TIMP2: variants seen among roughly 807,000 people sequenced by gnomAD.
TIMP2 encodes the protein metalloproteinase inhibitor 2.
In TIMP2, 5 loss-of-function variants were observed where a neutral mutation model predicts 24.3. The observed-to-expected ratio is 0.21, with a 90% confidence interval of 0.11 to 0.43. The LOEUF (loss-of-function observed/expected upper bound fraction) is 0.43, where lower values mean the gene tolerates loss of function less well. TIMP2 is among the 20% of genes least tolerant of loss of function. The pLI, the probability that TIMP2 is intolerant of heterozygous loss-of-function variation, is 1.00. For synonymous variants in TIMP2, 130 were observed against 123.2 expected, an observed-to-expected ratio of 1.06 and a Z score of -0.37; for missense variants, 221 against 297.5, an observed-to-expected ratio of 0.74 and a Z score of 1.89.
At chr17:78,918,051 C>A (rs1310935862) in intron 1 of TIMP2, among the ~76,000 whole-genome samples, 1 of 149,402 alleles carries the variant, frequency 6.7e-6, no homozygotes, top group Non-Finnish European at 1.5e-5. Context: ...AAAACACGTA[C>A]GCGTGCACAC....
chr17:78,891,908 G>C lies in TIMP2; in HGVS notation c.131-17989C>G. The C allele has an allele frequency of 6.4e-7, 1 of 1,550,568 alleles. No homozygotes were observed. Among genetic ancestry groups the C allele is most frequent in the Non-Finnish European group, 8.7e-7 (1 of 1,146,988 alleles). On this transcript the variant is annotated intron_variant, in intron 1 of 4. Transcript: ENST00000262768. The surrounding 1 kb of genome is among the most constrained non-coding windows in gnomAD (Gnocchi z 4.5). ...TGTAGTCTGTGGTTTCTCTGGACTC[G>C]CTGCTGTCTTCCGGGGCCTGGAGTG...
In TIMP2 at chr17:78,854,338, C is replaced by T. The variant is rs1388022887; in HGVS notation, c.*1329G>A. The T allele has an allele frequency of 6.6e-6, 1 of 151,848 alleles. No individual in the cohort carries two copies. Among genetic ancestry groups the T allele is most frequent in the Non-Finnish European group, 1.5e-5 (1 of 67,996 alleles). 9.4% of individuals were successfully genotyped at this position (151,848 alleles called of 1,614,324 possible). A position where few individuals can be genotyped will look rare whatever the true frequency, so the allele number is the denominator to read the frequency against. ...ATATCACTGGCTTCAGGAAACCACACTGAGGGAACACATAGGTTCCCTAGT... is the reference window on the plus strand; with the variant it reads ...ATATCACTGGCTTCAGGAAACCACATTGAGGGAACACATAGGTTCCCTAGT... On this transcript the variant is annotated 3_prime_UTR_variant, in exon 5 of 5. Transcript: ENST00000262768.
Position 78,901,434 on chromosome 17 carries a change from C to T in TIMP2, c.130+23525G>A, listed in dbSNP as rs143216542. ...GAGGTGTGTCTTCCTGGACAGTTCT[C>T]GGGAGAGGAGGAGGGCGGTAAGGAC... On this transcript the variant is annotated intron_variant, in intron 1 of 4. Transcript: ENST00000262768. Among the ~76,000 whole-genome samples the T allele has an allele frequency of 1.7e-3, 264 of 151,998 alleles. 1 individual carries two copies. The highest frequency in any genetic ancestry group is 5.5e-3 in the African/African-American group (226 of 41,448).
At chr17:78,875,636 GGTAA>G (rs1041034319) in intron 1 of TIMP2, among the ~76,000 whole-genome samples, 2 of 152,076 alleles carry the variant, frequency 1.3e-5, no homozygotes, top group African/African-American at 2.4e-5. Context: ...GGTCACTCTG[GGTAA>G]GTGTTATGTT....
At chr17:78,900,587 C>A (rs190544714) in intron 1 of TIMP2, among the ~76,000 whole-genome samples, 1 of 152,026 alleles carries the variant, frequency 6.6e-6, no homozygotes, top group Admixed American at 6.5e-5. Flanking sequence ...TAAGTAGAGT[C>A]CGAGGTGGTG....
Position 78,855,841 on chromosome 17 carries a change from C to A in TIMP2, c.489G>T (p.Pro163=). 6.2e-7 allele frequency: 1 copy of A among 1,614,004 alleles called. No homozygotes were observed. Among genetic ancestry groups the A allele is most frequent in the Non-Finnish European group, 8.5e-7 (1 of 1,179,982 alleles). The change falls in exon 5 of 5, where the codon CCG becomes CCT. Residue 163 remains proline, a synonymous_variant. Coordinates refer to ENST00000262768, the MANE Select transcript of TIMP2 (RefSeq NM_003255.5). The surrounding 1 kb of genome is among the most constrained non-coding windows in gnomAD (Gnocchi z 6.0). The part of the protein sequence containing the change: ...ECKITRCPMI[P]CYISSPDECL... ...ACTCGTCCGGGGAGGAGATGTAGCA[C>A]GGGATCATGGGGCAGCGCGTGATCT...
chr17:78,889,530 T>C (rs2069859840), intron 1 of TIMP2, among the ~76,000 whole-genome samples: 1 of 152,260 alleles, frequency 6.6e-6, no homozygotes, highest in Non-Finnish European at 1.5e-5. Flanking sequence ...TCCGTTAATG[T>C]CTCAGCCTTG....
intron 1 of TIMP2, among the ~76,000 whole-genome samples, chr17:78,901,552 CCAAAGGAGGTGAGG>C (rs1162416922): frequency 6.6e-6 from 1 of 151,786 alleles, no homozygotes; most frequent in African/African-American, 2.4e-5. Context: ...GGAAGAAAAG[CCAAAGGAGGTGAGG>C]TGGGGCAAGG....
At chr17:78,915,523 CTTCT>C (rs1252339596) in intron 1 of TIMP2, among the ~76,000 whole-genome samples, 1 of 104,126 alleles carries the variant, frequency 9.6e-6, no homozygotes, top group Non-Finnish European at 2.1e-5. Context: ...CTCTTTTTTT[CTTCT>C]TTTTTTTTTT....
chr17:78,892,419 G>A (rs2069915949), intron 1 of TIMP2: 3 of 1,550,300 alleles, frequency 1.9e-6, no homozygotes, highest in East Asian at 4.9e-5. Context: ...GGCGCCCCCG[G>A]GCCTGAGGAG....
At chr17:78,900,785 C>A (rs1219689187) in intron 1 of TIMP2, among the ~76,000 whole-genome samples, 1 of 152,200 alleles carries the variant, frequency 6.6e-6, no homozygotes, top group Non-Finnish European at 1.5e-5. Flanking sequence ...GTAATGGGAA[C>A]ACATCTAAAA....
At chr17:78,863,209 T>C (rs957107479) in intron 3 of TIMP2, among the ~76,000 whole-genome samples, 20 of 152,180 alleles carry the variant, frequency 1.3e-4, no homozygotes, top group African/African-American at 3.9e-4. Context: ...CTTTACTCCA[T>C]AGCCTTGCCA....
intron 1 of TIMP2, among the ~76,000 whole-genome samples, chr17:78,883,656 C>T (rs945973147): frequency 2.0e-5 from 3 of 152,162 alleles, no homozygotes; most frequent in Non-Finnish European, 2.9e-5. Flanking sequence ...TTCTAGTGCA[C>T]GTGAGCTGCT....
At chr17:78,892,249 G>C in intron 1 of TIMP2, 2 of 1,550,868 alleles carry the variant, frequency 1.3e-6, no homozygotes, top group African/African-American at 1.4e-5. Flanking sequence ...CTTTGCCCCG[G>C]GCTTGTAGCA....
intron 3 of TIMP2, among the ~76,000 whole-genome samples, chr17:78,868,807 G>A (rs1292094557): frequency 2.0e-5 from 3 of 152,256 alleles, no homozygotes; most frequent in East Asian, 1.9e-4. Flanking sequence ...TGCAGAGACC[G>A]CTTCCATCAC....
chr17:78,868,054 C>T (rs1174194768), intron 3 of TIMP2, among the ~76,000 whole-genome samples: 1 of 152,188 alleles, frequency 6.6e-6, no homozygotes, highest in Non-Finnish European at 1.5e-5. Context: ...TTGTCTCTAA[C>T]ACGGGGCTGG....
chr17:78,902,321 T>A (rs749099377), intron 1 of TIMP2, among the ~76,000 whole-genome samples: 2 of 152,216 alleles, frequency 1.3e-5, no homozygotes, highest in Non-Finnish European at 2.9e-5. Flanking sequence ...TTGGTCAGAC[T>A]GGTTACAAAC....
chr17:78,901,100 C>T (rs553792082), intron 1 of TIMP2: 1 of 152,642 alleles, frequency 6.6e-6, no homozygotes, highest in Admixed American at 6.5e-5. Flanking sequence ...CGAGACGGCC[C>T]GTGTGAAGCG....
intron 2 of TIMP2, among the ~76,000 whole-genome samples, chr17:78,871,813 TCCAG>T (rs1302407525): frequency 1.4e-4 from 20 of 146,418 alleles, no homozygotes; most frequent in Non-Finnish European, 1.0e-4. Flanking sequence ...GCCACTGCGC[TCCAG>T]CCTGGGAGAC....
Sources: allele counts gnomAD v4.1 joint callset (sites outside exome capture counted in the v4.1 genomes callset), GRCh38; gene constraint gnomAD v4.1.1; non-coding constraint Gnocchi (gnomAD v3.1); transcripts MANE v1.5; gene names NCBI Gene and HGNC (gene_info 2026-07-23, HGNC 2026-07-21).